GPR158: variants seen among roughly 807,000 people sequenced by gnomAD.
The protein encoded by GPR158 is G protein-coupled receptor 158, also known as metabotropic glycine receptor.
In GPR158, 30 loss-of-function variants were observed where a neutral mutation model predicts 78.2. The ratio of observed to expected loss-of-function variants is 0.38; its 90% CI spans 0.29 to 0.52. The LOEUF (loss-of-function observed/expected upper bound fraction) is 0.52, where lower values mean the gene tolerates loss of function less well. GPR158 is among the 20% of genes least tolerant of loss of function. The probability of loss-of-function intolerance (pLI) is 0.83; values close to 1 mark genes in which losing one functional copy is unlikely to be tolerated. For missense variants in GPR158, 1,463 were observed against 1,523.5 expected, an observed-to-expected ratio of 0.96 and a Z score of 0.66; for synonymous variants, 581 against 591.1, an observed-to-expected ratio of 0.98 and a Z score of 0.25.
intron 2 of GPR158, among the ~76,000 whole-genome samples, chr10:25,252,108 G>T (rs1019346443): frequency 6.6e-6 from 1 of 152,078 alleles, no homozygotes; most frequent in African/African-American, 2.4e-5. Context: ...GATCGCATCA[G>T]CTCCTGAGGC....
At chr10:25,423,120 C>CGT (rs1416897016) in intron 4 of GPR158, among the ~76,000 whole-genome samples, 89,720 of 147,378 alleles carry the variant, frequency 0.61, 28,462 homozygotes, top group Non-Finnish European at 0.72. Context: ...CACATATATA[C>CGT]ATATATATGT....
chr10:25,532,456 T>C (rs1296754303), intron 5 of GPR158, among the ~76,000 whole-genome samples: 1 of 152,226 alleles, frequency 6.6e-6, no homozygotes, highest in Non-Finnish European at 1.5e-5. Context: ...ACCTCAACTC[T>C]TTTCCTGTGA....
chr10:25,586,576 A>T (rs10458706), intron 7 of GPR158, among the ~76,000 whole-genome samples: 53,674 of 151,172 alleles, frequency 0.36, 9,660 homozygotes, highest in East Asian at 0.49. Context: ...CTAATTTTTT[A>T]AATTTTTTTA....
intron 2 of GPR158, among the ~76,000 whole-genome samples, chr10:25,281,359 T>C (rs1346436600): frequency 6.8e-6 from 1 of 147,152 alleles, no homozygotes; most frequent in Non-Finnish European, 1.5e-5. Flanking sequence ...AGCCCGGGAG[T>C]TTGAGACCAG....
At chr10:25,283,657 C>G (rs1031597854) in intron 2 of GPR158, among the ~76,000 whole-genome samples, 2 of 151,788 alleles carry the variant, frequency 1.3e-5, no homozygotes, top group Non-Finnish European at 2.9e-5. Flanking sequence ...TTACTTGGGA[C>G]TTAATTTCTT....
At chr10:25,476,255 C>G (rs1425002070) in intron 5 of GPR158, among the ~76,000 whole-genome samples, 1 of 151,974 alleles carries the variant, frequency 6.6e-6, no homozygotes, top group African/African-American at 2.4e-5. Flanking sequence ...TAAGAAAAAA[C>G]TAAAGTGTAT....
chr10:25,257,740 C>T (rs753330372), intron 2 of GPR158, among the ~76,000 whole-genome samples: 11 of 152,144 alleles, frequency 7.2e-5, no homozygotes. Flanking sequence ...CTTGTGTCAA[C>T]ATTTATTTTG....
chr10:25,405,190 A>G (rs1341038028), intron 3 of GPR158, among the ~76,000 whole-genome samples: 1 of 152,060 alleles, frequency 6.6e-6, no homozygotes, highest in Non-Finnish European at 1.5e-5. Context: ...AAAGATATAT[A>G]TATTTCTATT....
intron 5 of GPR158, among the ~76,000 whole-genome samples, chr10:25,525,732 T>A (rs905007030): frequency 6.6e-6 from 1 of 152,158 alleles, no homozygotes; most frequent in Non-Finnish European, 1.5e-5. Flanking sequence ...AAAAATTGAT[T>A]GTGGTAATTG....
At chr10:25,299,365 G>C (rs67069034) in intron 2 of GPR158, among the ~76,000 whole-genome samples, 36,496 of 152,016 alleles carry the variant, frequency 0.24, 5,985 homozygotes, top group African/African-American at 0.47. Context: ...AAAACTGTAT[G>C]TTTGTACACT....
chr10:25,540,989 A>G (rs1836575167), intron 5 of GPR158, among the ~76,000 whole-genome samples: 3 of 148,280 alleles, frequency 2.0e-5, no homozygotes, highest in Admixed American at 6.7e-5. Context: ...AAGTTTATCT[A>G]AAACCTACAC....
intron 7 of GPR158, among the ~76,000 whole-genome samples, chr10:25,579,992 T>G (rs1363913016): frequency 6.6e-6 from 1 of 152,196 alleles, no homozygotes; most frequent in Non-Finnish European, 1.5e-5. Flanking sequence ...AATTAAGTTC[T>G]CTCCCCCTAC....
rs546520994 is a variant in GPR158 at position 25,395,723 on chromosome 10, G to A, written c.1009-188G>A. ...GCTGTAATGGCATAAATTTAGAAAG[G>A]AAACTTAATTTACTGCTTCTAAAAA... On this transcript the variant is annotated intron_variant, in intron 2 of 10. Transcript: ENST00000376351. Among the ~76,000 whole-genome samples the A allele has an allele frequency of 2.0e-5, 3 of 152,224 alleles. No individual in the cohort carries two copies. In the South Asian group the frequency reaches 6.2e-4, roughly 32 times the overall value.
At chr10:25,230,231 A>T (rs1037694179) in intron 2 of GPR158, among the ~76,000 whole-genome samples, 1 of 152,344 alleles carries the variant, frequency 6.6e-6, no homozygotes, top group Non-Finnish European at 1.5e-5. Context: ...CTTTCTGATC[A>T]TAGGAAGAAT....
chr10:25,431,964 GC>G (rs1170281654), intron 4 of GPR158, among the ~76,000 whole-genome samples: 1 of 150,484 alleles, frequency 6.6e-6, no homozygotes, highest in East Asian at 1.9e-4. Context: ...TAACTAACCT[GC>G]ACATTGTGCA....
chr10:25,573,226 G>A (rs1564494021), intron 7 of GPR158, among the ~76,000 whole-genome samples: 1 of 152,060 alleles, frequency 6.6e-6, no homozygotes, highest in Non-Finnish European at 1.5e-5. Flanking sequence ...CTATTCTCTT[G>A]ATTTATTTCC....
At chr10:25,264,565 A>G (rs1564405794) in intron 2 of GPR158, among the ~76,000 whole-genome samples, 4 of 152,234 alleles carry the variant, frequency 2.6e-5, no homozygotes, top group Admixed American at 2.6e-4. Context: ...AAAGCTGCCC[A>G]GCTAAACCTA....
intron 2 of GPR158, among the ~76,000 whole-genome samples, chr10:25,239,364 C>T (rs1381868679): frequency 6.6e-6 from 1 of 151,846 alleles, no homozygotes; most frequent in Non-Finnish European, 1.5e-5. Context: ...ACTTTGAGAA[C>T]CCGAGGCAGG....
chr10:25,485,226 C>A (rs550986552), intron 5 of GPR158, among the ~76,000 whole-genome samples: 2 of 151,116 alleles, frequency 1.3e-5, no homozygotes, highest in South Asian at 4.2e-4. Flanking sequence ...AAAATGGTTG[C>A]AAGTATTTTT....
Sources: gnomAD v4.1 joint callset for allele counts (sites outside exome capture counted in the v4.1 genomes callset) on GRCh38, gnomAD v4.1.1 for gene constraint, MANE v1.5 for transcripts, NCBI Gene and HGNC (gene_info 2026-07-23, HGNC 2026-07-21) for gene names.